CFAP54: variants seen among roughly 807,000 people sequenced by gnomAD.
The protein encoded by CFAP54 is cilia- and flagella-associated protein 54.
CFAP54 carries 290 observed loss-of-function variants against 370.4 expected under a neutral mutation model. That is an observed-to-expected ratio of 0.78 (90% confidence interval 0.71 to 0.86). CFAP54 has a LOEUF of 0.86. Ranked by LOEUF, CFAP54 falls within the 40% of genes least tolerant of loss-of-function variation. The probability of loss-of-function intolerance (pLI) is 0.00; values close to 1 mark genes in which losing one functional copy is unlikely to be tolerated. For missense variants in CFAP54, 3,399 were observed against 3,528.7 expected (o/e 0.96, Z 0.93); for synonymous variants, 1,206 against 1,236.5 (o/e 0.98, Z 0.52).
At chr12:96,669,083 A>G (rs1472065995) in intron 39 of CFAP54, among the ~76,000 whole-genome samples, 5 of 152,220 alleles carry the variant, frequency 3.3e-5, no homozygotes, top group African/African-American at 1.2e-4. Context: ...ATGTAATGTT[A>G]TTACTACTGC....
At chr12:96,627,224 A>G (rs956497589) in intron 30 of CFAP54, among the ~76,000 whole-genome samples, 2 of 152,238 alleles carry the variant, frequency 1.3e-5, no homozygotes, top group Non-Finnish European at 2.9e-5. Context: ...TCTCTAGGCC[A>G]TCAGTTCTTT....
intron 40 of CFAP54, among the ~76,000 whole-genome samples, chr12:96,680,552 TA>T (rs1448891661): frequency 1.3e-5 from 2 of 152,208 alleles, no homozygotes; most frequent in African/African-American, 4.8e-5. Context: ...AACTTATACT[TA>T]ATTAAAATGC....
At chr12:96,807,210 A>G (rs1277333254) in intron 63 of CFAP54, among the ~76,000 whole-genome samples, 2 of 152,230 alleles carry the variant, frequency 1.3e-5, no homozygotes, top group Non-Finnish European at 2.9e-5. Flanking sequence ...GTAAGGTCCC[A>G]TGTGGGTAAA....
Position 96,743,405 on chromosome 12 carries a change from A to G in CFAP54, c.7223A>G (p.Asp2408Gly), listed in dbSNP as rs759196113. ...TAACCGCATTTGTTTATTTTAGAGG[A>G]TGATATGACAGATTGCCTGAGCCTC... The part of the protein sequence containing the change: ...QIHGIGIVKE[D>G]DMTDCLSLIN... The change falls in exon 53 of 68, where the codon GAT becomes GGT. Residue 2408 changes from aspartate (D) to glycine (G), a missense_variant. Physicochemically the swap from Asp to Gly is moderately conservative, Grantham distance 94. Coordinates refer to ENST00000524981, the MANE Select transcript of CFAP54 (RefSeq NM_001306084.2). 2.5e-6 allele frequency: 4 copies of G among 1,612,176 alleles called. No individual in the cohort carries two copies. In the Admixed American group the frequency reaches 6.7e-5, roughly 27 times the overall value.
chr12:96,718,765 G>A (rs1224297443), intron 49 of CFAP54, among the ~76,000 whole-genome samples: 4 of 152,150 alleles, frequency 2.6e-5, no homozygotes, highest in Admixed American at 1.3e-4. Flanking sequence ...TCGGCTGGGC[G>A]CGGTGGCTCA....
At chr12:96,828,277 T>C (rs1959150914) in intron 65 of CFAP54, among the ~76,000 whole-genome samples, 1 of 151,306 alleles carries the variant, frequency 6.6e-6, no homozygotes, top group African/African-American at 2.4e-5. Context: ...GAGTTGAGTA[T>C]GGTCATGCAT....
chr12:96,658,365 T>C lies in CFAP54; in HGVS notation c.5460+19T>C. The stretch of plus-strand genomic sequence containing the variant: ...AGAGAAGGTAAGTTTAAGTTAGTTC[T>C]ATTATTCATGCTGTTGTGATTTCTA... On this transcript the variant is annotated intron_variant, in intron 38 of 67. Transcript: ENST00000524981. 1 of 1,613,030 alleles carries C rather than the reference T, an allele frequency of 6.2e-7. No individual in the cohort carries two copies.
intron 14 of CFAP54, among the ~76,000 whole-genome samples, chr12:96,542,719 GC>G (rs1357115961): frequency 6.6e-6 from 1 of 152,126 alleles, no homozygotes; most frequent in Non-Finnish European, 1.5e-5. Flanking sequence ...AAACCACAGT[GC>G]CATTATTATT....
At chr12:96,521,545 TGTGC>T (rs879402533) in intron 6 of CFAP54, among the ~76,000 whole-genome samples, 3,794 of 41,202 alleles carry the variant, frequency 0.092, 60 homozygotes, top group Middle Eastern at 0.2. Context: ...TGTGTGTGTG[TGTGC>T]GCGTGCGCAC....
chr12:96,685,555 TG>T (rs1175595496), intron 42 of CFAP54, among the ~76,000 whole-genome samples: 1 of 39,766 alleles, frequency 2.5e-5, no homozygotes, highest in East Asian at 1.5e-3. Flanking sequence ...TGTTGTTGTT[TG>T]GGTTTTTTTT....
intron 65 of CFAP54, among the ~76,000 whole-genome samples, chr12:96,827,122 G>A (rs866328797): frequency 1.7e-4 from 17 of 101,040 alleles, no homozygotes; most frequent in African/African-American, 3.2e-4. Flanking sequence ...TATATATAAT[G>A]TGCAATTATA....
chr12:96,827,692 T>C (rs571199940), intron 65 of CFAP54, among the ~76,000 whole-genome samples: 1 of 75,480 alleles, frequency 1.3e-5, no homozygotes, highest in East Asian at 3.8e-4. Context: ...TGATACATAG[T>C]AATATATTAT....
Position 96,527,396 on chromosome 12 carries a change from C to A in CFAP54, c.1309C>A (p.His437Asn). The change falls in exon 9 of 68, where the codon CAT (histidine) becomes AAT (asparagine). Residue 437 changes from histidine to asparagine, a missense_variant. Physicochemically the swap from His to Asn is moderately conservative, Grantham distance 68. This residue lies in a region of CFAP54 where 559 missense variants were observed against 576.7 expected (regional missense o/e 0.97). Transcript: ENST00000524981. ...CATTGTTACAGATGAAGTGGAGATT[C>A]ATGATGTTGTCTCAGAATTGTTTAT... is the stretch of plus-strand genomic sequence containing the variant. The part of the protein sequence containing the change: ...GPIVTDEVEI[H>N]DVVSELFMAG... 6.5e-7 allele frequency: 1 copy of A among 1,531,514 alleles called. No individual in the cohort carries two copies. 94.9% of individuals were successfully genotyped at this position (1,531,514 alleles called of 1,614,324 possible). A position where few individuals can be genotyped will look rare whatever the true frequency, so the allele number is the denominator to read the frequency against.
chr12:96,719,650 A>C (rs1383318878), intron 49 of CFAP54, among the ~76,000 whole-genome samples: 3 of 152,236 alleles, frequency 2.0e-5, no homozygotes, highest in Admixed American at 6.5e-5. Context: ...ACACACGCAG[A>C]GCACAGAAAA....
chr12:96,648,537 A>G (rs892259159), intron 34 of CFAP54, among the ~76,000 whole-genome samples: 1 of 147,950 alleles, frequency 6.8e-6, no homozygotes, highest in Non-Finnish European at 1.5e-5. Flanking sequence ...TAGTCAGGTG[A>G]CAGGGGGCTC....
intron 32 of CFAP54, among the ~76,000 whole-genome samples, chr12:96,637,607 A>G (rs1476352363): frequency 6.6e-6 from 1 of 152,214 alleles, no homozygotes; most frequent in African/African-American, 2.4e-5. Context: ...TATTGGCTCT[A>G]AAGCAAGTCT....
At chr12:96,566,138 C>A (rs575351933) in intron 19 of CFAP54, among the ~76,000 whole-genome samples, 1 of 152,298 alleles carries the variant, frequency 6.6e-6, no homozygotes, top group South Asian at 2.1e-4. Flanking sequence ...AATCTCTTTT[C>A]TTTATAAATT....
chr12:96,698,617 A>G (rs1456095166), intron 45 of CFAP54, among the ~76,000 whole-genome samples: 2 of 152,294 alleles, frequency 1.3e-5, no homozygotes, highest in African/African-American at 4.8e-5. Flanking sequence ...TATAAGCAGG[A>G]ACTAAATATT....
chr12:96,526,412 C>A (rs1955381718), intron 8 of CFAP54, among the ~76,000 whole-genome samples: 1 of 152,200 alleles, frequency 6.6e-6, no homozygotes, highest in South Asian at 2.1e-4. Context: ...TTAATTACCA[C>A]AAACCTTGTT....
Sources: allele counts gnomAD v4.1 joint callset (sites outside exome capture counted in the v4.1 genomes callset), GRCh38; gene constraint gnomAD v4.1.1; regional missense constraint gnomAD v4.1.1; transcripts MANE v1.5; gene names NCBI Gene and HGNC (gene_info 2026-07-23, HGNC 2026-07-21).